MINK1: variants seen among roughly 807,000 people sequenced by gnomAD.
MINK1 encodes the protein misshapen-like kinase 1.
In MINK1, 46 loss-of-function variants were observed where a neutral mutation model predicts 178.4. The observed-to-expected ratio is 0.26, with a 90% CI of 0.20 to 0.33. The LOEUF (loss-of-function observed/expected upper bound fraction) is 0.33. Among genes scored for constraint, MINK1 ranks in the 10% least tolerant of loss-of-function variants. MINK1 has a pLI of 1.00. For missense variants in MINK1, 1,366 were observed against 1,814.9 expected, an observed-to-expected ratio of 0.75 and a Z score of 4.49; for synonymous variants, 797 against 709.7, an observed-to-expected ratio of 1.12 and a Z score of -1.96.
chr17:4,858,009 G>T (rs1393733596), intron 1 of MINK1, among the ~76,000 whole-genome samples: 1 of 152,138 alleles, frequency 6.6e-6, no homozygotes, highest in African/African-American at 2.4e-5. Flanking sequence ...TTCCCCTGTG[G>T]TGGCTTCAGA....
intron 4 of MINK1, 115 bp from the exon 5 acceptor site, chr17:4,884,248 G>A: frequency 1.3e-6 from 1 of 766,244 alleles, no homozygotes; most frequent in Non-Finnish European, 2.2e-6. Flanking sequence ...GCTCATACCA[G>A]TTCTAACCCC....
At chr17:4,891,167 C>T (rs554683376) in intron 15 of MINK1, 43 bp downstream of exon 15, 1 of 1,446,980 alleles carries the variant, frequency 6.9e-7, no homozygotes, top group Admixed American at 2.6e-5. Context: ...ACACAGGGAG[C>T]TTTGTTCAGA....
Position 4,878,376 on chromosome 17 carries a change from G to A in MINK1, c.117G>A (p.Val39=), listed in dbSNP as rs1443709224. The A allele has an allele frequency of 6.5e-7, 1 of 1,536,878 alleles. No homozygotes were observed. The highest frequency in any genetic ancestry group is 8.7e-7 in the Non-Finnish European group (1 of 1,146,558). Residue 39 remains valine, a synonymous_variant, in exon 2 of 32, where the codon GTG becomes GTA. Coordinates refer to ENST00000355280, the MANE Select transcript of MINK1 (RefSeq NM_153827.5). ...EVVGNGTYGQ[V]YKGRHVKTGQ... is the part of the protein sequence containing the mutation. ...TCGGCAATGGAACCTACGGACAGGT[G>A]TACAAGGTGAGACGAATGGTGTGGA...
chr17:4,879,408 G>T (rs576033054), intron 2 of MINK1, among the ~76,000 whole-genome samples: 1 of 152,176 alleles, frequency 6.6e-6, no homozygotes, highest in South Asian at 2.1e-4. Flanking sequence ...TTCCTGTGTC[G>T]CTGAGACCAC....
chr17:4,847,033 A>T (rs1911142671), intron 1 of MINK1: 1 of 381,808 alleles, frequency 2.6e-6, no homozygotes, highest in Admixed American at 3.2e-5. Flanking sequence ...TTAACAATGA[A>T]CATACCTGCT....
intron 1 of MINK1, among the ~76,000 whole-genome samples, chr17:4,843,725 A>G (rs1256065844): frequency 6.6e-6 from 1 of 152,116 alleles, no homozygotes; most frequent in East Asian, 1.9e-4. Flanking sequence ...GAGGTGGACA[A>G]TATTATCCTC....
At chr17:4,860,649 A>AG (rs1377054253) in intron 1 of MINK1, 5 of 505,332 alleles carry the variant, frequency 9.9e-6, no homozygotes. Context: ...TTTTTCCTCC[A>AG]GGTAGGAGCT....
intron 2 of MINK1, among the ~76,000 whole-genome samples, chr17:4,879,349 A>G (rs149700045): frequency 0.011 from 1,685 of 152,344 alleles, 12 homozygotes; most frequent in Non-Finnish European, 0.018. Context: ...ATCTCCAGAC[A>G]GAGTGCTTGA....
chr17:4,874,191 G>A (rs1383796807), intron 1 of MINK1, among the ~76,000 whole-genome samples: 1 of 152,168 alleles, frequency 6.6e-6, no homozygotes, highest in Non-Finnish European at 1.5e-5. Flanking sequence ...CTCATATATT[G>A]GTGAGCTCCC....
chr17:4,834,010 T>C (rs1908896158), intron 1 of MINK1, among the ~76,000 whole-genome samples: 1 of 152,150 alleles, frequency 6.6e-6, no homozygotes. Flanking sequence ...CTTTTCCACC[T>C]TTGCCCTTAC....
chr17:4,839,936 TTAATGTGTGTGTG>T (rs1297052081), intron 1 of MINK1, among the ~76,000 whole-genome samples: 3 of 124,942 alleles, frequency 2.4e-5, no homozygotes, highest in Non-Finnish European at 4.8e-5. Flanking sequence ...TAATTATTTA[TTAATGTGTGTGTG>T]TGTGTGTGTG....
At chr17:4,873,200 CTT>C (rs1966879781) in intron 1 of MINK1, among the ~76,000 whole-genome samples, 1 of 152,232 alleles carries the variant, frequency 6.6e-6, no homozygotes. Flanking sequence ...CCCTAGATAT[CTT>C]GTTTGTATCT....
At chr17:4,848,474 C>T (rs923536538) in intron 1 of MINK1, among the ~76,000 whole-genome samples, 5 of 152,196 alleles carry the variant, frequency 3.3e-5, no homozygotes, top group African/African-American at 1.2e-4. Flanking sequence ...CATTCTCCTG[C>T]CTCAGCCTCC....
In MINK1 at chr17:4,887,835, G is replaced by T; in HGVS notation, c.1230+45G>T. ...CCCAGGCCTGGCGCGGCCTCCTCCT[G>T]ACCTGCCCCGGGTCCATTAGGGCCT... On this transcript the variant is annotated intron_variant, in intron 12 of 31. Transcript: ENST00000355280. The surrounding 1 kb of genome is among the most constrained non-coding windows in gnomAD (Gnocchi z 7.6). 1 of 1,426,022 alleles carries T rather than the reference G, an allele frequency of 7.0e-7. No homozygotes were observed. Among genetic ancestry groups the T allele is most frequent in the South Asian group, 1.5e-5 (1 of 66,236 alleles). 88.3% of individuals were successfully genotyped at this position (1,426,022 alleles called of 1,614,324 possible).
At chr17:4,889,980 C>A (rs1968615797) in intron 13 of MINK1, 4 of 582,500 alleles carry the variant, frequency 6.9e-6, no homozygotes, top group Non-Finnish European at 1.2e-5. Context: ...TTTACCCCAT[C>A]CCTGACTCCC....
chr17:4,867,028 G>A (rs371054520), intron 1 of MINK1, among the ~76,000 whole-genome samples: 3 of 144,230 alleles, frequency 2.1e-5, no homozygotes, highest in South Asian at 2.2e-4. Flanking sequence ...AACCGGGACC[G>A]TGCCGCTTGC....
At chr17:4,861,460 TGTATG>T (rs1427916761) in intron 1 of MINK1, among the ~76,000 whole-genome samples, 3 of 152,120 alleles carry the variant, frequency 2.0e-5, no homozygotes, top group Non-Finnish European at 4.4e-5. Context: ...GTCCAACACT[TGTATG>T]GTATCTTCTT....
rs778519054 is a variant in MINK1 at position 4,896,423 on chromosome 17, C to T, written c.3616-6C>T. 15 of 1,613,494 alleles carry T rather than the reference C, an allele frequency of 9.3e-6. No individual in the cohort carries two copies. The East Asian group carries it at 1.6e-4, about 17-fold the overall frequency. ...CGGAGACTCTAGTCCCCCTCCTTCT[C>T]CCCAGATCCAGAGCCAGATCACGCC... On this transcript the variant is annotated splice_region_variant and splice_polypyrimidine_tract_variant and intron_variant, in intron 29 of 31. Coordinates refer to ENST00000355280, the MANE Select transcript of MINK1 (RefSeq NM_153827.5). The surrounding 1 kb of genome is among the most constrained non-coding windows in gnomAD (Gnocchi z 4.6).
intron 1 of MINK1, among the ~76,000 whole-genome samples, chr17:4,849,957 T>C (rs1911676769): frequency 6.6e-6 from 1 of 151,982 alleles, no homozygotes; most frequent in African/African-American, 2.4e-5. Flanking sequence ...TCTTTTCTTC[T>C]TTTTTTTGAG....
Sources: gnomAD v4.1 joint callset for allele counts (sites outside exome capture counted in the v4.1 genomes callset) on GRCh38, gnomAD v4.1.1 for gene constraint, Gnocchi (gnomAD v3.1) non-coding constraint, MANE v1.5 for transcripts, NCBI Gene and HGNC (gene_info 2026-07-23, HGNC 2026-07-21) for gene names.